Variants in CTBP2 observed in about 807,000 individuals in gnomAD.
CTBP2 encodes the protein C-terminal binding protein 2.
A neutral mutation model predicts 80.3 loss-of-function variants in CTBP2; 30 were observed. The ratio of observed to expected loss-of-function variants is 0.37; its 90% CI spans 0.28 to 0.51. The LOEUF (loss-of-function observed/expected upper bound fraction) is 0.51. Among genes scored for constraint, CTBP2 ranks in the 20% least tolerant of loss-of-function variants. The pLI is 0.93. For synonymous variants in CTBP2, 594 were observed against 587.4 expected (o/e 1.01, Z -0.16); for missense variants, 1,212 against 1,375.3 (o/e 0.88, Z 1.88).
At chr10:125,109,394 A>C (rs547994110) in intron 2 of CTBP2, among the ~76,000 whole-genome samples, 11 of 152,340 alleles carry the variant, frequency 7.2e-5, no homozygotes, top group Admixed American at 6.5e-4. Context: ...CAACACTGGA[A>C]CTATCTTTGC....
intron 1 of CTBP2, among the ~76,000 whole-genome samples, chr10:125,143,944 GC>G (rs1303935980): frequency 3.9e-5 from 6 of 152,120 alleles, no homozygotes; most frequent in Non-Finnish European, 5.9e-5. Flanking sequence ...CTAGCCCTGG[GC>G]CAATTAGTCA....
At chr10:125,035,364 T>G (rs1958743943) in intron 3 of CTBP2, among the ~76,000 whole-genome samples, 1 of 152,192 alleles carries the variant, frequency 6.6e-6, no homozygotes, top group African/African-American at 2.4e-5. Context: ...CTTTTATTTT[T>G]GCAGAGGAAA....
intron 2 of CTBP2, among the ~76,000 whole-genome samples, chr10:125,082,587 CTCTT>C (rs1439559779): frequency 5.5e-5 from 7 of 126,862 alleles, no homozygotes; most frequent in Admixed American, 2.4e-4. Flanking sequence ...GCCAGCTTTC[CTCTT>C]TTTTTTTTTT....
chr10:125,026,341 G>A lies in CTBP2; in HGVS notation c.1419C>T (p.His473=). Residue 473 remains histidine, a synonymous_variant, in exon 1 of 9, where the codon CAC becomes CAT. Coordinates refer to ENST00000309035, the MANE Select transcript of CTBP2 (RefSeq NM_022802.3). ...TGGAGTAGGCTGTTCTGGGGCCTGG[G>A]TGAAGGGGGTTTGAGGGGCCCGGGT... is the stretch of plus-strand genomic sequence containing the variant. 1 of 1,613,912 alleles carries A rather than the reference G, an allele frequency of 6.2e-7. No individual in the cohort carries two copies. The highest frequency in any genetic ancestry group is 8.5e-7 in the Non-Finnish European group (1 of 1,179,960).
At chr10:125,064,857 T>C (rs1332184056) in intron 2 of CTBP2, among the ~76,000 whole-genome samples, 1 of 152,216 alleles carries the variant, frequency 6.6e-6, no homozygotes, top group Non-Finnish European at 1.5e-5. Flanking sequence ...TCTGGTTTGG[T>C]GACTTAGCTC....
At chr10:125,098,708 CAGAGAGAGAGAGAGACAG>C (rs1850048241) in intron 2 of CTBP2, among the ~76,000 whole-genome samples, 18 of 65,744 alleles carry the variant, frequency 2.7e-4, no homozygotes, top group African/African-American at 1.0e-3. Flanking sequence ...GAGAGAGAGA[CAGAGAGAGAGAGAGACAG>C]AGAGAGAGAG....
intron 1 of CTBP2, among the ~76,000 whole-genome samples, chr10:125,015,617 G>A (rs776652867): frequency 6.6e-6 from 1 of 152,216 alleles, no homozygotes; most frequent in Non-Finnish European, 1.5e-5. Context: ...CGAGGCTGAG[G>A]AGGGATGGGC....
chr10:125,051,197 C>T (rs1330397388), intron 2 of CTBP2, among the ~76,000 whole-genome samples: 2 of 152,170 alleles, frequency 1.3e-5, no homozygotes, highest in Non-Finnish European at 2.9e-5. Context: ...GTTTATGTCC[C>T]CACCCCAGAC....
Position 124,987,623 on chromosome 10 carries a change from A to G in CTBP2, c.*1895T>C, listed in dbSNP as rs1323303861. ...TCCCTGGGGTAATAGGTCAGTAACT[A>G]TGAGCGCCGTCTCTCTCCATGTGAG... On this transcript the variant is annotated 3_prime_UTR_variant, in exon 9 of 9. Coordinates refer to ENST00000309035, the MANE Select transcript of CTBP2 (RefSeq NM_022802.3). 2.6e-5 allele frequency: 4 copies of G among 152,162 alleles called. No individual in the cohort carries two copies. Among genetic ancestry groups the G allele is most frequent in the African/African-American group, 7.2e-5 (3 of 41,432 alleles). 9.4% of individuals were successfully genotyped at this position (152,162 alleles called of 1,614,324 possible). A position where few individuals can be genotyped will look rare whatever the true frequency, so the allele number is the denominator to read the frequency against.
intron 1 of CTBP2, among the ~76,000 whole-genome samples, chr10:125,127,106 G>T (rs1855414053): frequency 6.6e-6 from 1 of 152,146 alleles, no homozygotes; most frequent in South Asian, 2.1e-4. Context: ...GACGAAGGAG[G>T]GATGGCAACT....
At chr10:125,161,806 G>A (rs1861915817), upstream of CTBP2, among the ~76,000 whole-genome samples, 1 of 152,166 alleles carries the variant, frequency 6.6e-6, no homozygotes, top group South Asian at 2.1e-4. Context: ...GTCTCGAGGA[G>A]GGAGGCGCGC....
At chr10:125,002,795 G>A (rs1954707102) in intron 3 of CTBP2, among the ~76,000 whole-genome samples, 165 bp downstream of exon 5, 1 of 152,214 alleles carries the variant, frequency 6.6e-6, no homozygotes, top group Non-Finnish European at 1.5e-5. Flanking sequence ...TCATGTGAAG[G>A]CAGGGCCGCA....
chr10:125,032,121 C>G (rs1958304476), upstream of CTBP2, among the ~76,000 whole-genome samples: 1 of 152,076 alleles, frequency 6.6e-6, no homozygotes, highest in South Asian at 2.1e-4. Flanking sequence ...CCAAAGTGTG[C>G]AACGGGACCC....
chr10:124,985,101 G>C lies in CTBP2; in HGVS notation c.*4417C>G. On this transcript the variant is annotated 3_prime_UTR_variant, in exon 9 of 9. Transcript: ENST00000309035. ...ATCATGGAATGAACCAAATCTGGCAGGATCTGCTCGGGGAAGTGTTTTCCT... is the reference window on the plus strand; with the variant it reads ...ATCATGGAATGAACCAAATCTGGCACGATCTGCTCGGGGAAGTGTTTTCCT... 1.2e-6 allele frequency: 1 copy of C among 828,504 alleles called. No homozygotes were observed. The highest frequency in any genetic ancestry group is 1.9e-6 in the Non-Finnish European group (1 of 523,494). The allele number at this position is 828,504 out of a possible 1,614,324, so 51.3% of individuals were successfully genotyped here. A position where few individuals can be genotyped will look rare whatever the true frequency, so the allele number is the denominator to read the frequency against.
At chr10:125,017,222 C>T (rs939677767) in intron 1 of CTBP2, among the ~76,000 whole-genome samples, 5 of 152,172 alleles carry the variant, frequency 3.3e-5, no homozygotes, top group African/African-American at 7.2e-5. Flanking sequence ...AGGCTGTCGA[C>T]GGGTAGCGGA....
At chr10:125,118,313 C>T (rs937204753) in intron 1 of CTBP2, among the ~76,000 whole-genome samples, 1 of 152,108 alleles carries the variant, frequency 6.6e-6, no homozygotes, top group Non-Finnish European at 1.5e-5. Context: ...GTGCCCCATC[C>T]GAAGTGGCTC....
At chr10:125,064,983 T>C (rs1376806588) in intron 2 of CTBP2, among the ~76,000 whole-genome samples, 1 of 152,252 alleles carries the variant, frequency 6.6e-6, no homozygotes, top group Non-Finnish European at 1.5e-5. Context: ...GAATATGCTC[T>C]AATGATTATC....
intron 1 of CTBP2, among the ~76,000 whole-genome samples, chr10:125,132,295 G>GA (rs201734026): frequency 3.6e-4 from 52 of 145,140 alleles, no homozygotes; most frequent in East Asian, 8.0e-4. Flanking sequence ...CACTAAGGGA[G>GA]AAAAAAAAAA....
intron 2 of CTBP2, among the ~76,000 whole-genome samples, chr10:125,062,286 A>C (rs1018668921): frequency 3.3e-5 from 5 of 152,176 alleles, no homozygotes; most frequent in Non-Finnish European, 7.4e-5. Context: ...TAGTCCTTTT[A>C]TTTTAGGAAA....
Sources: allele counts gnomAD v4.1 joint callset (sites outside exome capture counted in the v4.1 genomes callset), GRCh38; gene constraint gnomAD v4.1.1; transcripts MANE v1.5; gene names NCBI Gene and HGNC (gene_info 2026-07-23, HGNC 2026-07-21).